PDE4D: variants seen among roughly 807,000 people sequenced by gnomAD.
PDE4D encodes 3',5'-cyclic-AMP phosphodiesterase 4D.
In PDE4D, 24 loss-of-function variants were observed where a neutral mutation model predicts 87.4. That is an observed-to-expected ratio of 0.27 (90% CI 0.20 to 0.39). The LOEUF (loss-of-function observed/expected upper bound fraction) is 0.39, where lower values mean the gene tolerates loss of function less well. Among genes scored for constraint, PDE4D ranks in the 10% least tolerant of loss-of-function variants. The pLI, the probability that PDE4D is intolerant of heterozygous loss-of-function variation, is 1.00. For synonymous variants in PDE4D, 384 were observed against 383.2 expected, an observed-to-expected ratio of 1.00 and a Z score of -0.02; for missense variants, 714 against 1,041.0, an observed-to-expected ratio of 0.69 and a Z score of 4.32.
At chr5:59,344,838 A>G (rs1304684778) in intron 1 of PDE4D, among the ~76,000 whole-genome samples, 1 of 152,196 alleles carries the variant, frequency 6.6e-6, no homozygotes, top group Non-Finnish European at 1.5e-5. Flanking sequence ...CACAAAGTAG[A>G]GAGCCTTAAG....
At chr5:59,357,027 A>C in intron 1 of PDE4D, 1 of 636,716 alleles carries the variant, frequency 1.6e-6, no homozygotes, top group Non-Finnish European at 2.4e-6. Flanking sequence ...GCTGGAAGGG[A>C]TGGCCAGGAC....
At chr5:59,132,824 A>G (rs1036420902) in intron 5 of PDE4D, among the ~76,000 whole-genome samples, 2 of 152,196 alleles carry the variant, frequency 1.3e-5, no homozygotes, top group African/African-American at 2.4e-5. Context: ...TGTCAGTCCA[A>G]ACCCACAAGT....
At chr5:59,148,119 C>G (rs1477061918) in intron 5 of PDE4D, among the ~76,000 whole-genome samples, 2 of 151,886 alleles carry the variant, frequency 1.3e-5, no homozygotes, top group African/African-American at 4.8e-5. Flanking sequence ...ATAGTTATGT[C>G]ACTAATGAAG....
chr5:59,914,866 G>GGGGTGTGTGTGTGTGTGT (rs1342565323), intron 3 of PDE4D, among the ~76,000 whole-genome samples: 2 of 122,540 alleles, frequency 1.6e-5, no homozygotes, highest in Non-Finnish European at 3.4e-5. Flanking sequence ...TACTGATAGG[G>GGGGTGTGTGTGTGTGTGT]GTGTGTGTGT....
intron 1 of PDE4D, among the ~76,000 whole-genome samples, chr5:60,241,380 TCTC>T (rs943487880): frequency 1.3e-5 from 2 of 150,844 alleles, no homozygotes; most frequent in Non-Finnish European, 2.9e-5. Context: ...TTCAAGCAAT[TCTC>T]CTGCCTCAGC....
chr5:59,090,932 G>A, intron 5 of PDE4D: 1 of 259,760 alleles, frequency 3.8e-6, no homozygotes, highest in South Asian at 3.9e-5. Context: ...TTATTGCCAT[G>A]TTGTGACAAA....
intron 1 of PDE4D, among the ~76,000 whole-genome samples, chr5:60,514,367 C>T (rs1239541406): frequency 6.6e-6 from 1 of 151,982 alleles, no homozygotes; most frequent in Non-Finnish European, 1.5e-5. Context: ...ATCCTTTACA[C>T]CAAAACCCAA....
At chr5:60,036,093 C>G (rs1328936665) in intron 2 of PDE4D, among the ~76,000 whole-genome samples, 1 of 152,106 alleles carries the variant, frequency 6.6e-6, no homozygotes, top group African/African-American at 2.4e-5. Flanking sequence ...TTCATCATTA[C>G]CTGGAAGATC....
intron 1 of PDE4D, among the ~76,000 whole-genome samples, chr5:59,847,809 G>A (rs1236903548): frequency 6.6e-6 from 1 of 152,090 alleles, no homozygotes; most frequent in African/African-American, 2.4e-5. Context: ...CCAAGTTATA[G>A]AAAAATCATG....
chr5:60,390,015 G>A (rs546072792), intron 1 of PDE4D, among the ~76,000 whole-genome samples: 3 of 152,312 alleles, frequency 2.0e-5, no homozygotes, highest in Middle Eastern at 3.4e-3. Flanking sequence ...TCTTTGCCAT[G>A]TTAGAAACCA....
intron 6 of PDE4D, among the ~76,000 whole-genome samples, chr5:59,004,028 C>T (rs905284227): frequency 7.2e-5 from 11 of 151,808 alleles, no homozygotes. Flanking sequence ...GACTCAGTTA[C>T]TTTTTACTTT....
At chr5:60,493,207 G>A (rs966098494) in intron 1 of PDE4D, among the ~76,000 whole-genome samples, 1 of 152,052 alleles carries the variant, frequency 6.6e-6, no homozygotes, top group Non-Finnish European at 1.5e-5. Context: ...ATGATAGTTG[G>A]TACAAAGTTT....
intron 1 of PDE4D, among the ~76,000 whole-genome samples, chr5:59,279,980 G>C (rs1462670936): frequency 6.6e-6 from 1 of 152,028 alleles, no homozygotes; most frequent in Non-Finnish European, 1.5e-5. Context: ...CTAGTATAAT[G>C]ATAAACATAT....
intron 1 of PDE4D, among the ~76,000 whole-genome samples, chr5:60,369,072 C>T (rs1358144139): frequency 1.8e-4 from 28 of 151,968 alleles, no homozygotes; most frequent in Non-Finnish European, 2.9e-5. Context: ...CCTCTGTGTT[C>T]TGCTTGTTTG....
intron 1 of PDE4D, among the ~76,000 whole-genome samples, chr5:60,406,621 C>A (rs139307606): frequency 6.6e-6 from 1 of 152,140 alleles, no homozygotes; most frequent in South Asian, 2.1e-4. Context: ...CACACTTCCA[C>A]CTTTGATTAT....
intron 1 of PDE4D, among the ~76,000 whole-genome samples, chr5:59,594,458 T>C (rs887060733): frequency 6.6e-6 from 1 of 151,802 alleles, no homozygotes; most frequent in African/African-American, 2.4e-5. Context: ...GTAGCTAGGA[T>C]TAGAGGTATG....
chr5:59,674,603 A>T (rs1468746084), intron 1 of PDE4D, among the ~76,000 whole-genome samples: 1 of 152,108 alleles, frequency 6.6e-6, no homozygotes, highest in Non-Finnish European at 1.5e-5. Flanking sequence ...GCCACCTCCT[A>T]AATTCTTTAA....
intron 1 of PDE4D, among the ~76,000 whole-genome samples, chr5:60,270,161 A>C (rs1750664532): frequency 6.6e-6 from 1 of 152,234 alleles, no homozygotes; most frequent in South Asian, 2.1e-4. Context: ...AAGAGATAGG[A>C]AGGTGAAGAG....
intron 2 of PDE4D, among the ~76,000 whole-genome samples, chr5:60,093,548 G>T (rs1775357343): frequency 6.6e-6 from 1 of 152,166 alleles, no homozygotes; most frequent in Non-Finnish European, 1.5e-5. Context: ...GAACCAGAGA[G>T]TGGAGCAAAG....
Sources: allele counts gnomAD v4.1 joint callset (sites outside exome capture counted in the v4.1 genomes callset), GRCh38; gene constraint gnomAD v4.1.1; transcripts MANE v1.5; gene names NCBI Gene and HGNC (gene_info 2026-07-23, HGNC 2026-07-21).